KCNT2: variants seen among roughly 807,000 people sequenced by gnomAD.
KCNT2 encodes potassium channel subfamily T member 2.
In KCNT2, 67 loss-of-function variants were observed where a neutral mutation model predicts 153.8. The ratio of observed to expected loss-of-function variants is 0.44; its 90% CI spans 0.36 to 0.53. The LOEUF (loss-of-function observed/expected upper bound fraction) is 0.53, where lower values mean the gene tolerates loss of function less well. Ranked by LOEUF, KCNT2 falls within the 20% of genes least tolerant of loss-of-function variation. The pLI is 0.00. For missense variants in KCNT2, 975 were observed against 1,354.8 expected, an observed-to-expected ratio of 0.72 and a Z score of 4.40; for synonymous variants, 500 against 458.8, an observed-to-expected ratio of 1.09 and a Z score of -1.15.
chr1:196,393,930 C>T (rs1488129366), intron 13 of KCNT2, among the ~76,000 whole-genome samples: 3 of 151,400 alleles, frequency 2.0e-5, no homozygotes, highest in Non-Finnish European at 4.4e-5. Context: ...GTCTATGGCA[C>T]GCTGCCATTG....
intron 12 of KCNT2, among the ~76,000 whole-genome samples, chr1:196,414,498 T>C (rs1672594489): frequency 6.6e-6 from 1 of 151,850 alleles, no homozygotes; most frequent in African/African-American, 2.4e-5. Flanking sequence ...AACAAATATT[T>C]CTCCAAGATT....
chr1:196,502,103 C>CAAGA (rs1316876926), intron 1 of KCNT2, among the ~76,000 whole-genome samples: 1 of 152,128 alleles, frequency 6.6e-6, no homozygotes, highest in Non-Finnish European at 1.5e-5. Context: ...GGTGACAGAG[C>CAAGA]AAGACTCCAT....
Position 196,228,035 on chromosome 1 carries a change from T to C in KCNT2, c.*189A>G, listed in dbSNP as rs982956045. ...ATTTATTCCATTGAGGTCCTTCAAA[T>C]ATTAATAGGGAGAGTACCAGTAAGT... On this transcript the variant is annotated 3_prime_UTR_variant, in exon 28 of 28. Transcript: ENST00000294725. 4.2e-5 allele frequency: 17 copies of C among 403,842 alleles called. No individual in the cohort carries two copies. The highest frequency in any genetic ancestry group is 3.5e-4 in the African/African-American group (17 of 48,300). The allele number at this position is 403,842 out of a possible 1,614,324, so 25.0% of individuals were successfully genotyped here. A position where few individuals can be genotyped will look rare whatever the true frequency, so the allele number is the denominator to read the frequency against.
At chr1:196,546,493 G>GCTTT (rs2148886145) in intron 1 of KCNT2, among the ~76,000 whole-genome samples, 1 of 152,096 alleles carries the variant, frequency 6.6e-6, no homozygotes, top group South Asian at 2.1e-4. Flanking sequence ...AACACTGAGT[G>GCTTT]CTTTCTAAGT....
At chr1:196,360,445 A>G (rs1306091404) in intron 14 of KCNT2, among the ~76,000 whole-genome samples, 5 of 152,078 alleles carry the variant, frequency 3.3e-5, no homozygotes, top group African/African-American at 1.2e-4. Flanking sequence ...GTGTTTCAGT[A>G]GAACCCATGG....
intron 13 of KCNT2, among the ~76,000 whole-genome samples, chr1:196,392,484 T>A (rs889372742): frequency 2.6e-5 from 4 of 151,480 alleles, no homozygotes; most frequent in African/African-American, 9.7e-5. Context: ...TAAAATGATG[T>A]CTATGTGGGT....
chr1:196,379,893 A>G (rs1409102196), intron 13 of KCNT2, among the ~76,000 whole-genome samples: 1 of 152,180 alleles, frequency 6.6e-6, no homozygotes, highest in Non-Finnish European at 1.5e-5. Context: ...AAAAATAGAA[A>G]ATGAGTATAA....
chr1:196,340,407 T>C lies in KCNT2; in HGVS notation c.1717A>G (p.Asn573Asp), dbSNP rs577921712. 6.2e-7 allele frequency: 1 copy of C among 1,613,040 alleles called. No homozygotes were observed. ...FKNQDQQRKS[N>D]VSRSFYHGPS... Reference sequence around the variant, plus strand: ...CCATGATAAAACGACCTGGACACATTGCTTTTTCTCTGCTGGTCTTGGTTT... The same window carrying C: ...CCATGATAAAACGACCTGGACACATCGCTTTTTCTCTGCTGGTCTTGGTTT... Residue 573 changes from asparagine to aspartate, a missense_variant, in exon 16 of 28, where the codon AAT becomes GAT. By Grantham distance (23) the Asn-to-Asp change is conservative. Around this residue, in one of 6 missense-constraint regions of KCNT2, gnomAD observed 325 missense variants for 388.1 expected, o/e 0.84. Transcript: ENST00000294725.
At chr1:196,291,353 G>T (rs866927601) in intron 22 of KCNT2, among the ~76,000 whole-genome samples, 70 of 151,544 alleles carry the variant, frequency 4.6e-4, no homozygotes, top group African/African-American at 1.6e-3. Flanking sequence ...AGGAAAAAAA[G>T]ATTTTTATGA....
intron 8 of KCNT2, among the ~76,000 whole-genome samples, chr1:196,456,090 T>C (rs1383238699): frequency 6.6e-6 from 1 of 152,006 alleles, no homozygotes; most frequent in East Asian, 1.9e-4. Flanking sequence ...GCAAAAAATA[T>C]CCCAACTGCT....
intron 25 of KCNT2, chr1:196,258,734 T>C: frequency 2.0e-6 from 1 of 506,642 alleles, no homozygotes; most frequent in Non-Finnish European, 3.6e-6. Context: ...TACAAATTTT[T>C]ATGAAAGTAT....
intron 22 of KCNT2, among the ~76,000 whole-genome samples, chr1:196,288,534 A>G (rs1404216283): frequency 6.6e-6 from 1 of 152,120 alleles, no homozygotes; most frequent in Non-Finnish European, 1.5e-5. Flanking sequence ...AGGAGGTGGC[A>G]TGGGAAAATT....
chr1:196,249,482 A>G (rs1655757872), intron 26 of KCNT2, among the ~76,000 whole-genome samples: 1 of 152,150 alleles, frequency 6.6e-6, no homozygotes, highest in Admixed American at 6.6e-5. Context: ...TCAACATACA[A>G]AAATCAATGG....
Position 196,367,432 on chromosome 1 carries a change from G to A in KCNT2, c.1403+5708C>T, listed in dbSNP as rs536107228. Among the ~76,000 whole-genome samples, 22 of 151,918 alleles carry A rather than the reference G, an allele frequency of 1.4e-4. No homozygotes were observed. The South Asian group carries it at 4.0e-3, about 27-fold the overall frequency. ...GATCCTTTGATTTACCATTTCGTTC[G>A]TATGATATTTAATCTAATGATTTTT... On this transcript the variant is annotated intron_variant, in intron 14 of 27. Coordinates refer to ENST00000294725, the MANE Select transcript of KCNT2 (RefSeq NM_198503.5).
At chr1:196,490,502 A>T (rs1009348906) in intron 2 of KCNT2, among the ~76,000 whole-genome samples, 14 of 148,198 alleles carry the variant, frequency 9.4e-5, no homozygotes, top group Non-Finnish European at 2.1e-4. Flanking sequence ...TATATATTAT[A>T]TAAGTATAGA....
intron 1 of KCNT2, among the ~76,000 whole-genome samples, chr1:196,564,315 T>C (rs913234236): frequency 6.6e-6 from 1 of 151,852 alleles, no homozygotes; most frequent in Non-Finnish European, 1.5e-5. Flanking sequence ...AAGACCTGTA[T>C]CTTGCAAATT....
At chr1:196,450,643 A>T (rs1676077477) in intron 8 of KCNT2, among the ~76,000 whole-genome samples, 1 of 151,840 alleles carries the variant, frequency 6.6e-6, no homozygotes, top group Admixed American at 6.6e-5. Context: ...GCAGATTGCA[A>T]ATCCAATCAC....
chr1:196,268,991 A>C (rs959571017), intron 25 of KCNT2, among the ~76,000 whole-genome samples: 1 of 152,078 alleles, frequency 6.6e-6, no homozygotes. Flanking sequence ...AATAATAATA[A>C]TAAAGAAATA....
intron 8 of KCNT2, among the ~76,000 whole-genome samples, chr1:196,438,766 T>C (rs1674952293): frequency 1.3e-5 from 2 of 151,866 alleles, no homozygotes; most frequent in African/African-American, 4.8e-5. Context: ...AGACAGTGTA[T>C]CTGTATATCC....
Sources: gnomAD v4.1 joint callset for allele counts (sites outside exome capture counted in the v4.1 genomes callset) on GRCh38, gnomAD v4.1.1 for gene constraint, gnomAD v4.1.1 regional missense constraint, MANE v1.5 for transcripts, NCBI Gene and HGNC (gene_info 2026-07-23, HGNC 2026-07-21) for gene names.